CD99L2: variants seen among roughly 807,000 people sequenced by gnomAD.
CD99L2 encodes the protein CD99 molecule like 2, also known as CD99 antigen-like protein 2.
A neutral mutation model predicts 27.3 loss-of-function variants in CD99L2; 24 were observed. The observed-to-expected ratio is 0.88, with a 90% CI of 0.64 to 1.24. CD99L2 has a LOEUF of 1.24. Ranked by LOEUF, CD99L2 falls within the 50% of genes most tolerant of loss-of-function variation. The probability of loss-of-function intolerance (pLI) is 0.00; values close to 1 mark genes in which losing one functional copy is unlikely to be tolerated. For missense variants in CD99L2, 255 were observed against 221.6 expected (o/e 1.15, Z -0.96); for synonymous variants, 97 against 87.9 (o/e 1.10, Z -0.58).
At chrX:150,769,700 T>A (rs2043395805) in intron 10 of CD99L2, among the ~76,000 whole-genome samples, 1 of 78,506 alleles carries the variant, frequency 1.3e-5, no homozygotes, top group African/African-American at 1.6e-4. Context: ...CCTCGGCTGC[T>A]CCCCGACCCC....
In CD99L2 at chrX:150,768,974, G is replaced by T; in HGVS notation, c.*60C>A. The T allele has an allele frequency of 2.7e-6, 3 of 1,108,415 alleles. No homozygotes were observed. The highest frequency in any genetic ancestry group is 3.5e-6 in the Non-Finnish European group (3 of 855,559). 91.3% of individuals were successfully genotyped at this position (1,108,415 alleles called of 1,213,427 possible). A position where few individuals can be genotyped will look rare whatever the true frequency, so the allele number is the denominator to read the frequency against. ...CAGCTGCGGGTCCAAATGAAGGGGT[G>T]GGGGGAGCCGGGTGACAAGCGGTGG... On this transcript the variant is annotated 3_prime_UTR_variant, in exon 11 of 11. Coordinates refer to ENST00000370377, the MANE Select transcript of CD99L2 (RefSeq NM_031462.4).
chrX:150,879,921 T>A (rs1557422440), intron 1 of CD99L2, among the ~76,000 whole-genome samples: 1 of 71,769 alleles, frequency 1.4e-5, no homozygotes. Context: ...CAACACCCTG[T>A]CTCCAAAAAA....
chrX:150,867,937 C>T (rs1340116446), intron 1 of CD99L2, among the ~76,000 whole-genome samples: 2 of 84,073 alleles, frequency 2.4e-5, no homozygotes. Context: ...CAAAAATTAG[C>T]TGGGCGTGGT....
At position 150,770,385 on chromosome X, in the gene CD99L2, G is replaced by A; in HGVS notation, c.656-16C>T. ...TTGAGACCCTCTGCAAAGGGAAAAGGGCAGAGTTAGTGATGCGCACAGGAC... is the reference window on the plus strand; with the variant it reads ...TTGAGACCCTCTGCAAAGGGAAAAGAGCAGAGTTAGTGATGCGCACAGGAC... On this transcript the variant is annotated splice_polypyrimidine_tract_variant and intron_variant, in intron 9 of 10. Transcript: ENST00000370377. The A allele has an allele frequency of 8.3e-7, 1 of 1,203,548 alleles. No individual in the cohort carries two copies. Among genetic ancestry groups the A allele is most frequent in the Non-Finnish European group, 1.1e-6 (1 of 888,208 alleles).
chrX:150,833,529 G>GGCATC (rs1236824768), intron 1 of CD99L2, among the ~76,000 whole-genome samples: 1 of 111,850 alleles, frequency 8.9e-6, no homozygotes, highest in Non-Finnish European at 1.9e-5. Context: ...CAAAGCTGGA[G>GGCATC]GCATCACACT....
Position 150,795,504 on chromosome X carries a change from G to C in CD99L2, c.278-18C>G, listed in dbSNP as rs782551034. 8.3e-7 allele frequency: 1 copy of C among 1,202,302 alleles called. No homozygotes were observed. The highest frequency in any genetic ancestry group is 3.0e-5 in the East Asian group (1 of 33,730). On this transcript the variant is annotated intron_variant, in intron 4 of 10. Transcript: ENST00000370377. The stretch of plus-strand genomic sequence containing the variant: ...CCATCTCTCTAAAAGGGGAAGGGAG[G>C]ACAGCAAAGGGAGCACATTTAGGAA...
At chrX:150,780,963 A>G (rs1017761791) in intron 7 of CD99L2, among the ~76,000 whole-genome samples, 4 of 112,080 alleles carry the variant, frequency 3.6e-5, no homozygotes, top group Non-Finnish European at 7.5e-5. Context: ...GTACCACTCA[A>G]AGTGTCGCAT....
At chrX:150,796,269 T>C (rs1289915678) in intron 4 of CD99L2, among the ~76,000 whole-genome samples, 1 of 112,609 alleles carries the variant, frequency 8.9e-6, no homozygotes, top group Admixed American at 9.4e-5. Flanking sequence ...TTAAAATGTA[T>C]TGCCTATCAT....
At chrX:150,770,866 G>A (rs1452948951) in intron 9 of CD99L2, among the ~76,000 whole-genome samples, 13 of 112,794 alleles carry the variant, frequency 1.2e-4, no homozygotes, top group South Asian at 3.6e-4. Flanking sequence ...AGCAACACCC[G>A]CGCGGAGGCC....
At chrX:150,896,854 G>A (rs1416437813) in intron 1 of CD99L2, among the ~76,000 whole-genome samples, 3 of 112,131 alleles carry the variant, frequency 2.7e-5, no homozygotes, top group African/African-American at 9.7e-5. Context: ...GTGACCTAAG[G>A]CAAGTTACTT....
chrX:150,779,636 C>T (rs919442439), intron 7 of CD99L2, among the ~76,000 whole-genome samples: 1 of 112,386 alleles, frequency 8.9e-6, no homozygotes, highest in Non-Finnish European at 1.9e-5. Context: ...ACAAAATGCA[C>T]ACTGTGCAAA....
intron 2 of CD99L2, among the ~76,000 whole-genome samples, chrX:150,828,006 G>A (rs1397874954): frequency 8.9e-6 from 1 of 111,804 alleles, no homozygotes; most frequent in Non-Finnish European, 1.9e-5. Flanking sequence ...CTAGCCAGTA[G>A]CCCACTATCT....
rs1363181792 is a variant in CD99L2 at position 150,777,545 on chromosome X, TC to T, written c.497-64del. 145 of 1,111,851 alleles carry T rather than the reference TC, an allele frequency of 1.3e-4. No individual in the cohort carries two copies. In the East Asian group the frequency reaches 4.2e-3, roughly 32 times the overall value. The allele number at this position is 1,111,851 out of a possible 1,213,427, so 91.6% of individuals were successfully genotyped here. ...GCCAGCTCAGGCTCGAGCTCGGGCC[TC>T]CGCGAGACGGATGGCAGTGCTGGCC... On this transcript the variant is annotated intron_variant, in intron 7 of 10. Coordinates refer to ENST00000370377, the MANE Select transcript of CD99L2 (RefSeq NM_031462.4).
intron 7 of CD99L2, among the ~76,000 whole-genome samples, chrX:150,787,457 C>A (rs782191067): frequency 9.0e-6 from 1 of 110,998 alleles, no homozygotes; most frequent in African/African-American, 3.3e-5. Flanking sequence ...AGCCAGTTAT[C>A]CCAGCACCAT....
In CD99L2 at chrX:150,767,484, C is replaced by T. The variant is rs1425268600; in HGVS notation, c.*1550G>A. The T allele has an allele frequency of 8.9e-6, 1 of 112,037 alleles. No homozygotes were observed. The highest frequency in any genetic ancestry group is 3.3e-5 in the African/African-American group (1 of 30,724). The allele number at this position is 112,037 out of a possible 1,213,427, so 9.2% of individuals were successfully genotyped here. On this transcript the variant is annotated 3_prime_UTR_variant, in exon 11 of 11. Transcript: ENST00000370377. ...CAAGGGCACGCACTGGGAATGGCCT[C>T]ACAAGGCAGCCTTGAGACGCACAGG... is the stretch of plus-strand genomic sequence containing the variant.
intron 6 of CD99L2, among the ~76,000 whole-genome samples, 200 bp from the exon 7 acceptor site, chrX:150,793,956 G>A (rs1476944256): frequency 9.0e-6 from 1 of 111,379 alleles, no homozygotes; most frequent in African/African-American, 3.3e-5. Context: ...CTGAGTGTGA[G>A]TGGAACCATG....
In CD99L2 at chrX:150,824,598, AAGG is replaced by A. The variant is rs202082719; in HGVS notation, c.130+6630_130+6632del. ...GGAGGAGGAGAAGGAGGAGAAGAAG[AAGG>A]AGGAGAAGAAGAAGGAGAAGAAGGA... is the stretch of plus-strand genomic sequence containing the variant. On this transcript the variant is annotated intron_variant, in intron 2 of 10. Coordinates refer to ENST00000370377, the MANE Select transcript of CD99L2 (RefSeq NM_031462.4). Among the ~76,000 whole-genome samples, 467 of 97,909 alleles carry A rather than the reference AAGG, an allele frequency of 4.8e-3. 5 individuals carry two copies. Among genetic ancestry groups the A allele is most frequent in the African/African-American group, 0.016 (432 of 26,303 alleles). 85.0% of individuals were successfully genotyped at this position (97,909 alleles called of 115,157 possible).
intron 4 of CD99L2, among the ~76,000 whole-genome samples, chrX:150,804,988 C>G (rs1159419114): frequency 9.0e-6 from 1 of 111,628 alleles, no homozygotes; most frequent in East Asian, 2.8e-4. Context: ...GAGTTCGATA[C>G]CAGCCTAGGC....
At chrX:150,822,913 T>C (rs1557420708) in intron 2 of CD99L2, among the ~76,000 whole-genome samples, 2 of 112,347 alleles carry the variant, frequency 1.8e-5, no homozygotes, top group Admixed American at 1.9e-4. Flanking sequence ...CCACGTGTCA[T>C]GGGAGGGACC....
Sources: gnomAD v4.1 joint callset for allele counts (sites outside exome capture counted in the v4.1 genomes callset) on GRCh38, gnomAD v4.1.1 for gene constraint, MANE v1.5 for transcripts, NCBI Gene and HGNC (gene_info 2026-07-23, HGNC 2026-07-21) for gene names.